The following FRMD4A variants were observed in gnomAD, a reference collection of about 807,000 sequenced individuals.
FRMD4A encodes the protein FERM domain-containing protein 4A.
In FRMD4A, 29 loss-of-function variants were observed where a neutral mutation model predicts 129.1. That is an observed-to-expected ratio of 0.22 (90% CI 0.17 to 0.31). The LOEUF is 0.31. FRMD4A is among the 10% of genes least tolerant of loss of function. The pLI is 1.00. For synonymous variants in FRMD4A, 634 were observed against 571.6 expected, an observed-to-expected ratio of 1.11 and a Z score of -1.56; for missense variants, 1,272 against 1,375.8, an observed-to-expected ratio of 0.92 and a Z score of 1.19.
chr10:13,991,116 C>G (rs1038433402), intron 2 of FRMD4A, among the ~76,000 whole-genome samples: 3 of 152,142 alleles, frequency 2.0e-5, no homozygotes, highest in African/African-American at 7.2e-5. Context: ...TTGGCACTGG[C>G]CCATGACCCA....
intron 2 of FRMD4A, among the ~76,000 whole-genome samples, chr10:13,881,959 A>G (rs917933794): frequency 1.3e-5 from 2 of 150,838 alleles, no homozygotes; most frequent in African/African-American, 2.4e-5. Context: ...TGAAGTCCAG[A>G]TGAGGTCAAA....
intron 2 of FRMD4A, among the ~76,000 whole-genome samples, chr10:14,101,441 C>A (rs577985355): frequency 6.6e-6 from 1 of 152,288 alleles, no homozygotes; most frequent in South Asian, 2.1e-4. Flanking sequence ...ACCCTAGATA[C>A]TCACCATTGG....
At chr10:14,312,292 T>C (rs1846576439) in intron 2 of FRMD4A, among the ~76,000 whole-genome samples, 2 of 152,232 alleles carry the variant, frequency 1.3e-5, no homozygotes, top group African/African-American at 4.8e-5. Flanking sequence ...ACAGTAAGAT[T>C]CTTAACACCC....
chr10:13,907,066 G>A (rs953089124), intron 2 of FRMD4A, among the ~76,000 whole-genome samples: 4 of 152,080 alleles, frequency 2.6e-5, no homozygotes, highest in African/African-American at 7.2e-5. Flanking sequence ...GCAGCCCTAC[G>A]TCACTCAGCA....
At chr10:13,885,595 A>G (rs979998303) in intron 2 of FRMD4A, among the ~76,000 whole-genome samples, 4 of 152,172 alleles carry the variant, frequency 2.6e-5, no homozygotes, top group Non-Finnish European at 5.9e-5. Context: ...AAAATGTTTG[A>G]TTGGCTGGAT....
chr10:14,275,109 C>T (rs2132051932), intron 2 of FRMD4A, among the ~76,000 whole-genome samples: 2 of 152,304 alleles, frequency 1.3e-5, no homozygotes, highest in East Asian at 3.9e-4. Flanking sequence ...AGCTGCTGGT[C>T]AGCACCAGTC....
At chr10:14,307,267 G>A (rs566662743) in intron 2 of FRMD4A, among the ~76,000 whole-genome samples, 1 of 152,172 alleles carries the variant, frequency 6.6e-6, no homozygotes, top group Non-Finnish European at 1.5e-5. Flanking sequence ...GAAGAAAATC[G>A]GCACTGCAGG....
intron 2 of FRMD4A, among the ~76,000 whole-genome samples, chr10:13,965,255 T>G (rs2095478506): frequency 6.6e-6 from 1 of 152,154 alleles, no homozygotes. Context: ...ACCTTGTTCA[T>G]GAAGGACTAG....
At chr10:14,155,017 G>A (rs1359558492) in intron 2 of FRMD4A, among the ~76,000 whole-genome samples, 1 of 152,228 alleles carries the variant, frequency 6.6e-6, no homozygotes, top group Non-Finnish European at 1.5e-5. Context: ...TGGACTGCAT[G>A]TGGTGGCTCA....
At chr10:13,835,847 C>G (rs527911957) in intron 3 of FRMD4A, among the ~76,000 whole-genome samples, 2 of 152,348 alleles carry the variant, frequency 1.3e-5, no homozygotes, top group African/African-American at 4.8e-5. Context: ...CCCCCTCCCC[C>G]TTTCACCAGT....
intron 2 of FRMD4A, among the ~76,000 whole-genome samples, chr10:14,268,944 C>A (rs906260568): frequency 6.6e-6 from 1 of 152,188 alleles, no homozygotes; most frequent in Admixed American, 6.5e-5. Flanking sequence ...GTAATGATTA[C>A]CCACTAAGCG....
At position 13,994,429 on chromosome 10, in the gene FRMD4A, G is replaced by A. The variant is rs186543452; in HGVS notation, c.46-135517C>T. On this transcript the variant is annotated intron_variant, in intron 2 of 24. Transcript: ENST00000357447. ...CCCGACCTCATGATCTGCCTGCCTC[G>A]GCCTCCCAAAGTACTGGGATTACAG... is the stretch of plus-strand genomic sequence containing the variant. 2.1e-3 allele frequency among the ~76,000 whole-genome samples: 323 copies of A among 151,740 alleles called. 4 individuals carry two copies. Among genetic ancestry groups the A allele is most frequent in the African/African-American group, 7.6e-3 (315 of 41,326 alleles).
chr10:14,155,026 C>G (rs1330831020), intron 2 of FRMD4A, among the ~76,000 whole-genome samples: 6 of 152,234 alleles, frequency 3.9e-5, no homozygotes, highest in Admixed American at 2.6e-4. Flanking sequence ...TGTGGTGGCT[C>G]ACACTTGTCA....
intron 9 of FRMD4A, among the ~76,000 whole-genome samples, chr10:13,743,916 G>A (rs989409513): frequency 3.3e-5 from 5 of 152,182 alleles, no homozygotes; most frequent in African/African-American, 1.2e-4. Context: ...TTGTAGCAGG[G>A]ACTCAAGGGG....
chr10:13,839,106 C>T (rs2093923601), intron 3 of FRMD4A, among the ~76,000 whole-genome samples: 1 of 150,338 alleles, frequency 6.7e-6, no homozygotes, highest in African/African-American at 2.5e-5. Context: ...AGTGATCCTC[C>T]CACCTCAGTC....
chr10:14,126,376 GGC>G (rs1295618005), intron 2 of FRMD4A, among the ~76,000 whole-genome samples: 1 of 151,936 alleles, frequency 6.6e-6, no homozygotes, highest in East Asian at 1.9e-4. Flanking sequence ...TCATCCTGTT[GGC>G]CAGGATTGTC....
At chr10:14,038,438 T>A (rs1176990817) in intron 2 of FRMD4A, among the ~76,000 whole-genome samples, 2 of 152,168 alleles carry the variant, frequency 1.3e-5, no homozygotes, top group East Asian at 3.8e-4. Context: ...TTAGAGGAGA[T>A]GAAAATTAAA....
At chr10:13,730,643 T>C (rs1354309870) in intron 12 of FRMD4A, among the ~76,000 whole-genome samples, 2 of 152,090 alleles carry the variant, frequency 1.3e-5, no homozygotes, top group Non-Finnish European at 2.9e-5. Flanking sequence ...AGCGCTTCTT[T>C]CTATTCCCAC....
At chr10:13,717,444 G>C (rs1589523749) in intron 12 of FRMD4A, among the ~76,000 whole-genome samples, 2 of 152,040 alleles carry the variant, frequency 1.3e-5, no homozygotes, top group Admixed American at 1.3e-4. Flanking sequence ...CTCCCGAATA[G>C]CTGAGATTAC....
Sources: allele counts gnomAD v4.1 joint callset (sites outside exome capture counted in the v4.1 genomes callset), GRCh38; gene constraint gnomAD v4.1.1; transcripts MANE v1.5; gene names NCBI Gene and HGNC (gene_info 2026-07-23, HGNC 2026-07-21).